FSTL4: variants seen among roughly 807,000 people sequenced by gnomAD.
FSTL4 encodes follistatin like 4, also known as follistatin-related protein 4.
A neutral mutation model predicts 78.2 loss-of-function variants in FSTL4; 28 were observed. That is an observed-to-expected ratio of 0.36 (90% CI 0.27 to 0.49). The LOEUF (loss-of-function observed/expected upper bound fraction) is 0.49, where lower values mean the gene tolerates loss of function less well. Ranked by LOEUF, FSTL4 falls within the 20% of genes least tolerant of loss-of-function variation. The pLI is 0.98. For synonymous variants in FSTL4, 422 were observed against 440.5 expected (o/e 0.96, Z 0.53); for missense variants, 922 against 1,084.9 (o/e 0.85, Z 2.11).
chr5:133,400,695 C>A, intron 4 of FSTL4, 43 bp downstream of exon 4: 1 of 1,584,198 alleles, frequency 6.3e-7, no homozygotes, highest in South Asian at 1.1e-5. Context: ...TTGGAAGACC[C>A]ATCACAAAAC....
chr5:133,315,317 C>T (rs539734928), intron 5 of FSTL4, among the ~76,000 whole-genome samples: 46 of 152,314 alleles, frequency 3.0e-4, no homozygotes, highest in African/African-American at 1.0e-3. Flanking sequence ...ACATGCTGGA[C>T]GCAGCACTTG....
At chr5:133,228,389 G>C (rs1440465673) in intron 8 of FSTL4, among the ~76,000 whole-genome samples, 5 of 152,174 alleles carry the variant, frequency 3.3e-5, no homozygotes, top group Non-Finnish European at 7.3e-5. Context: ...ATAATCCCTA[G>C]AGCATGGAAC....
chr5:133,818,841 C>A, the FSTL4 span, among the ~76,000 whole-genome samples: 1 of 148,570 alleles, frequency 6.7e-6, no homozygotes, highest in East Asian at 2.0e-4. Flanking sequence ...ACAAAAGAAC[C>A]TCACTCATCT....
chr5:133,438,852 G>A (rs1215563773), intron 3 of FSTL4, among the ~76,000 whole-genome samples: 3 of 152,240 alleles, frequency 2.0e-5, no homozygotes, highest in Non-Finnish European at 4.4e-5. Context: ...GTATCTGGCT[G>A]CAGGCTAAGA....
the FSTL4 span, among the ~76,000 whole-genome samples, chr5:133,773,391 T>C: frequency 0.012 from 1,869 of 152,244 alleles, 18 homozygotes; most frequent in Non-Finnish European, 0.019. Flanking sequence ...CCTGTATAGA[T>C]TGCAAATATG....
chr5:133,835,730 G>T, the FSTL4 span, among the ~76,000 whole-genome samples: 3 of 152,074 alleles, frequency 2.0e-5, no homozygotes, highest in Non-Finnish European at 1.5e-5. Context: ...TCAAATAAAA[G>T]GTATCAGGAC....
the FSTL4 span, among the ~76,000 whole-genome samples, chr5:133,839,369 T>G: frequency 6.6e-6 from 1 of 152,356 alleles, no homozygotes; most frequent in East Asian, 1.9e-4. Flanking sequence ...TTGTACAAGA[T>G]AAGAATTCTG....
chr5:133,658,381 T>C, the FSTL4 span, among the ~76,000 whole-genome samples: 3 of 152,164 alleles, frequency 2.0e-5, no homozygotes, highest in Non-Finnish European at 4.4e-5. Context: ...TTGCTGAACA[T>C]AGCTGTAAAA....
the FSTL4 span, among the ~76,000 whole-genome samples, chr5:133,687,221 A>G: frequency 2.6e-5 from 4 of 151,908 alleles, no homozygotes; most frequent in South Asian, 6.3e-4. Flanking sequence ...TAGGGGGGGC[A>G]TGGGTTGTAT....
At chr5:133,734,956 C>T in the FSTL4 span, among the ~76,000 whole-genome samples, 2 of 152,180 alleles carry the variant, frequency 1.3e-5, no homozygotes, top group Admixed American at 1.3e-4. Context: ...GAACAGCGGG[C>T]TGTGCAATGC....
At chr5:133,708,636 G>A in the FSTL4 span, among the ~76,000 whole-genome samples, 1 of 152,174 alleles carries the variant, frequency 6.6e-6, no homozygotes, top group Non-Finnish European at 1.5e-5. Flanking sequence ...CACAACCCCG[G>A]CCATGTGTTC....
At chr5:133,299,299 A>G (rs1182657877) in intron 6 of FSTL4, among the ~76,000 whole-genome samples, 2 of 152,166 alleles carry the variant, frequency 1.3e-5, no homozygotes, top group Non-Finnish European at 2.9e-5. Flanking sequence ...AGATGTCCCC[A>G]GTCTCTCTCC....
chr5:133,239,258 C>A (rs1311156778), intron 7 of FSTL4, among the ~76,000 whole-genome samples: 1 of 140,042 alleles, frequency 7.1e-6, no homozygotes, highest in Non-Finnish European at 1.6e-5. Flanking sequence ...AACGTGGGCT[C>A]CTGCGCAGCC....
chr5:133,835,398 G>A, the FSTL4 span, among the ~76,000 whole-genome samples: 36 of 152,200 alleles, frequency 2.4e-4, no homozygotes, highest in Non-Finnish European at 4.3e-4. Context: ...GCAGTAAGAA[G>A]AACATGGTTC....
chr5:133,352,279 T>C (rs200039338), intron 4 of FSTL4, among the ~76,000 whole-genome samples: 63 of 99,088 alleles, frequency 6.4e-4, no homozygotes, highest in African/African-American at 6.3e-4. Context: ...CATATATATA[T>C]ACACACATAT....
intron 3 of FSTL4, among the ~76,000 whole-genome samples, chr5:133,515,670 T>C (rs558061561): frequency 6.7e-6 from 1 of 148,578 alleles, no homozygotes; most frequent in South Asian, 2.1e-4. Flanking sequence ...TCAACAAATA[T>C]CACCTGCTTT....
chr5:133,240,818 G>A (rs1045654439), intron 7 of FSTL4, among the ~76,000 whole-genome samples: 1 of 152,214 alleles, frequency 6.6e-6, no homozygotes, highest in Non-Finnish European at 1.5e-5. Flanking sequence ...CTCCTGGGAA[G>A]CCCTGAGAGG....
chr5:133,332,307 G>C (rs1310909711), intron 4 of FSTL4, among the ~76,000 whole-genome samples: 2 of 152,246 alleles, frequency 1.3e-5, no homozygotes, highest in Non-Finnish European at 2.9e-5. Context: ...AATGACTCCA[G>C]CCTGCTCTCT....
chr5:133,416,711 C>T (rs1419140654), intron 3 of FSTL4, among the ~76,000 whole-genome samples: 1 of 152,048 alleles, frequency 6.6e-6, no homozygotes, highest in Non-Finnish European at 1.5e-5. Flanking sequence ...AATATTCTTG[C>T]CAAAAGTTCA....
Sources: gnomAD v4.1 joint callset for allele counts (sites outside exome capture counted in the v4.1 genomes callset) on GRCh38, gnomAD v4.1.1 for gene constraint, MANE v1.5 for transcripts, NCBI Gene and HGNC (gene_info 2026-07-23, HGNC 2026-07-21) for gene names.